Variants in PTPRS observed in about 807,000 individuals in gnomAD.
PTPRS encodes the protein protein tyrosine phosphatase receptor type S.
A neutral mutation model predicts 215.3 loss-of-function variants in PTPRS; 63 were observed. The ratio of observed to expected loss-of-function variants is 0.29; its 90% confidence interval spans 0.24 to 0.36. The LOEUF (loss-of-function observed/expected upper bound fraction) is 0.36. Among genes scored for constraint, PTPRS ranks in the 10% least tolerant of loss-of-function variants. The pLI, the probability that PTPRS is intolerant of heterozygous loss-of-function variation, is 1.00. For synonymous variants in PTPRS, 1,404 were observed against 1,191.4 expected, an observed-to-expected ratio of 1.18 and a Z score of -3.68; for missense variants, 2,258 against 2,825.8, an observed-to-expected ratio of 0.80 and a Z score of 4.56.
In PTPRS at chr19:5,229,360, C is replaced by T. The variant is rs767932961; in HGVS notation, c.2350-18G>A. The T allele has an allele frequency of 3.9e-5, 53 of 1,374,274 alleles. No homozygotes were observed. The highest frequency in any genetic ancestry group is 4.5e-5 in the Non-Finnish European group (48 of 1,058,680). 85.1% of individuals were successfully genotyped at this position (1,374,274 alleles called of 1,614,324 possible). Reference sequence around the variant, plus strand: ...GTCTCCCACTGAGCGCGGGAGGAGGCGGCAGGGGAGAGAGGAGGAAGGTGA... The same window carrying T: ...GTCTCCCACTGAGCGCGGGAGGAGGTGGCAGGGGAGAGAGGAGGAAGGTGA... On this transcript the variant is annotated intron_variant, in intron 15 of 37. Coordinates refer to ENST00000262963, the MANE Select transcript of PTPRS (RefSeq NM_002850.4).
chr19:5,340,725 T>A lies in PTPRS; in HGVS notation c.-156A>T, dbSNP rs2051084639. ...CCCGCTTCACATCGTGGCTGTTGCA[T>A]GGGATCCGAGCGGAGCCCGAGCGCC... On this transcript the variant is annotated 5_prime_UTR_variant, in exon 1 of 38. An upstream start codon of the reference 5' UTR is lost. Transcript: ENST00000262963. The A allele has an allele frequency of 6.7e-6, 1 of 150,244 alleles. No individual in the cohort carries two copies. Among genetic ancestry groups the A allele is most frequent in the Non-Finnish European group, 1.5e-5 (1 of 67,526 alleles). 9.3% of individuals were successfully genotyped at this position (150,244 alleles called of 1,614,324 possible). A position where few individuals can be genotyped will look rare whatever the true frequency, so the allele number is the denominator to read the frequency against.
At position 5,265,285 on chromosome 19, in the gene PTPRS, G is replaced by A. The variant is rs1223937787; in HGVS notation, c.380-89C>T. 1.2e-5 allele frequency: 15 copies of A among 1,268,784 alleles called. No individual in the cohort carries two copies. In the South Asian group the frequency reaches 1.3e-4, roughly 11 times the overall value. The allele number at this position is 1,268,784 out of a possible 1,614,324, so 78.6% of individuals were successfully genotyped here. A position where few individuals can be genotyped will look rare whatever the true frequency, so the allele number is the denominator to read the frequency against. On this transcript the variant is annotated intron_variant, in intron 4 of 37. Coordinates refer to ENST00000262963, the MANE Select transcript of PTPRS (RefSeq NM_002850.4). Reference sequence around the variant, plus strand: ...TGGGGCTCAGGGACTGCCTGGCCACGGGTCCAGCTCCTCCCTGGCTGCGTG... The same window carrying A: ...TGGGGCTCAGGGACTGCCTGGCCACAGGTCCAGCTCCTCCCTGGCTGCGTG...
At chr19:5,214,008 G>A (rs2041180390) in intron 30 of PTPRS, among the ~76,000 whole-genome samples, 1 of 152,198 alleles carries the variant, frequency 6.6e-6, no homozygotes, top group South Asian at 2.1e-4. Flanking sequence ...TTGAAGGCAG[G>A]GCTGGGGCCC....
chr19:5,277,889 A>G (rs1248685525), intron 2 of PTPRS: 7 of 1,130,404 alleles, frequency 6.2e-6, no homozygotes, highest in Non-Finnish European at 8.0e-6. Flanking sequence ...TTCAAGGGCC[A>G]GATCTTGATG....
intron 1 of PTPRS, among the ~76,000 whole-genome samples, chr19:5,331,128 T>A (rs10853983): frequency 0.18 from 18,087 of 98,902 alleles, 1,778 homozygotes; most frequent in East Asian, 0.25. Flanking sequence ...CTTCTTTTTT[T>A]AAAAAAAAAA....
chr19:5,225,241 TG>T (rs2042376428), intron 17 of PTPRS, among the ~76,000 whole-genome samples: 1 of 151,722 alleles, frequency 6.6e-6, no homozygotes, highest in Admixed American at 6.6e-5. Flanking sequence ...TGCACCACCC[TG>T]AAATAACAAC....
At position 5,238,934 on chromosome 19, in the gene PTPRS, G is replaced by A. The variant is rs745665862; in HGVS notation, c.1834C>T (p.Arg612Cys). The change falls in exon 13 of 38, where the codon CGC (arginine) becomes TGC (cysteine). Residue 612 changes from arginine (R) to cysteine (C), a missense_variant. Around this residue, in one of 6 missense-constraint regions of PTPRS, gnomAD observed 371 missense variants for 446.7 expected, o/e 0.83. Transcript: ENST00000262963. ...AGACACCTACTGGACTGCAGCGTGCGCTGCCGCACCACGGGGGTGAAGGCG... is the reference window on the plus strand; with the variant it reads ...AGACACCTACTGGACTGCAGCGTGCACTGCCGCACCACGGGGGTGAAGGCG... Reference protein sequence around the residue: ...LGAFTPVVRQRTLQSKPSAPP... With the variant: ...LGAFTPVVRQCTLQSKPSAPP... 13 of 1,607,604 alleles carry A rather than the reference G, an allele frequency of 8.1e-6. No homozygotes were observed. The highest frequency in any genetic ancestry group is 3.3e-5 in the South Asian group (3 of 90,676).
At chr19:5,247,339 C>T (rs1015897754) in intron 9 of PTPRS, among the ~76,000 whole-genome samples, 2 of 152,002 alleles carry the variant, frequency 1.3e-5, no homozygotes, top group African/African-American at 2.4e-5. Context: ...CAGCAGGATG[C>T]ATTTCGGGGG....
chr19:5,288,937 G>A (rs1362925078), intron 1 of PTPRS, among the ~76,000 whole-genome samples: 1 of 152,232 alleles, frequency 6.6e-6, no homozygotes, highest in Non-Finnish European at 1.5e-5. Context: ...GCACAGACAG[G>A]CAGGGCCTGG....
At chr19:5,284,416 T>A (rs1044484845) in intron 2 of PTPRS, among the ~76,000 whole-genome samples, 32 of 88,636 alleles carry the variant, frequency 3.6e-4, no homozygotes, top group South Asian at 6.1e-4. Flanking sequence ...AATAAATAAA[T>A]AAAAATTAGC....
rs2049039800 is a variant in PTPRS at position 5,293,949 on chromosome 19, G to A, written c.-94-7715C>T. ...GGGAGAGGAGGAGGGAGAGGGAGGG[G>A]CAGACCTGTCCGGGCGGCCAATCCG... On this transcript the variant is annotated intron_variant, in intron 1 of 37. Transcript: ENST00000262963. The surrounding 1 kb of genome is among the most constrained non-coding windows in gnomAD (Gnocchi z 8.4). Among the ~76,000 whole-genome samples the A allele has an allele frequency of 6.6e-6, 1 of 152,216 alleles. No individual in the cohort carries two copies. The highest frequency in any genetic ancestry group is 2.1e-4 in the South Asian group (1 of 4,836).
At position 5,219,345 on chromosome 19, in the gene PTPRS, T is replaced by A. The variant is rs539368855; in HGVS notation, c.3888A>T (p.Ile1296=). 1.3e-5 allele frequency: 21 copies of A among 1,614,060 alleles called. No homozygotes were observed. The South Asian group carries it at 1.8e-4, about 14-fold the overall frequency. Residue 1296 remains isoleucine, a synonymous_variant, in exon 23 of 38, where the codon ATA becomes ATT. Coordinates refer to ENST00000262963, the MANE Select transcript of PTPRS (RefSeq NM_002850.4). ...VIGPVLAVVF[I]ICIVIAILLY... ...GCAGGATAGCAATGACAATGCAGAT[T>A]ATGAAGACCACGGCCAGCACAGGCC...
At position 5,211,991 on chromosome 19, in the gene PTPRS, C is replaced by T. The variant is rs549449179; in HGVS notation, c.5029G>A (p.Val1677Ile). ...KLAQVEPGEH[V>I]TGMELEFKRL... The stretch of plus-strand genomic sequence containing the variant: ...TTGAACTCGAGTTCCATGCCAGTGA[C>T]GTGTTCGCCAGGCTCCACCTGGGCC... Residue 1677 changes from valine to isoleucine, a missense_variant, in exon 32 of 38, where the codon GTC becomes ATC. Transcript: ENST00000262963. The T allele has an allele frequency of 3.6e-5, 58 of 1,610,706 alleles. No homozygotes were observed. Among genetic ancestry groups the T allele is most frequent in the South Asian group, 7.7e-5 (7 of 90,842 alleles).
chr19:5,339,273 T>C lies in PTPRS; in HGVS notation c.-95+1391A>G, dbSNP rs904627813. The stretch of plus-strand genomic sequence containing the variant: ...AATGAGGCTCTGGGAGGTTTGTTAA[T>C]TTGGGGGAATGAGGTCCCAGGAGGT... On this transcript the variant is annotated intron_variant, in intron 1 of 37. Coordinates refer to ENST00000262963, the MANE Select transcript of PTPRS (RefSeq NM_002850.4). This position sits in a 1 kb window ranked among gnomAD's most constrained non-coding sequence, Gnocchi z 4.2. Among the ~76,000 whole-genome samples, 10 of 151,510 alleles carry C rather than the reference T, an allele frequency of 6.6e-5. No homozygotes were observed. The highest frequency in any genetic ancestry group is 2.2e-4 in the African/African-American group (9 of 41,206).
At position 5,219,357 on chromosome 19, in the gene PTPRS, G is replaced by T. The variant is rs368797063; in HGVS notation, c.3876C>A (p.Ala1292=). Residue 1292 remains alanine, a synonymous_variant, in exon 23 of 38, where the codon GCC becomes GCA. Transcript: ENST00000262963. ...TGACAATGCAGATTATGAAGACCAC[G>T]GCCAGCACAGGCCCGATCACCCAGA... ...GLIWVIGPVL[A]VVFIICIVIA... 7 of 1,613,838 alleles carry T rather than the reference G, an allele frequency of 4.3e-6. No homozygotes were observed. The African/African-American group carries it at 9.3e-5, about 22-fold the overall frequency.
chr19:5,221,544 C>G (rs1031318212), intron 19 of PTPRS, among the ~76,000 whole-genome samples: 1 of 151,344 alleles, frequency 6.6e-6, no homozygotes, highest in Non-Finnish European at 1.5e-5. Context: ...TTCCCAGTCC[C>G]GACTGAGCCC....
intron 5 of PTPRS, among the ~76,000 whole-genome samples, chr19:5,263,897 ACAGGCGGGAGG>A (rs2046212045): frequency 6.6e-6 from 1 of 152,192 alleles, no homozygotes; most frequent in East Asian, 1.9e-4. Flanking sequence ...ACCTGTGCCC[ACAGGCGGGAGG>A]CAGGCCAGGC....
chr19:5,297,754 G>A (rs1341340448), intron 1 of PTPRS, among the ~76,000 whole-genome samples: 11 of 151,644 alleles, frequency 7.3e-5, no homozygotes, highest in Non-Finnish European at 1.5e-4. Flanking sequence ...CGATGGCCCT[G>A]AGGCTAACCA....
At chr19:5,280,556 T>TA (rs1030238509) in intron 2 of PTPRS, among the ~76,000 whole-genome samples, 5 of 151,188 alleles carry the variant, frequency 3.3e-5, no homozygotes, top group South Asian at 2.1e-4. Flanking sequence ...CCGTCTCTAC[T>TA]AAAAAAATAC....
Sources: allele counts gnomAD v4.1 joint callset (sites outside exome capture counted in the v4.1 genomes callset), GRCh38; gene constraint gnomAD v4.1.1; regional missense constraint gnomAD v4.1.1; non-coding constraint Gnocchi (gnomAD v3.1); transcripts MANE v1.5; gene names NCBI Gene and HGNC (gene_info 2026-07-23, HGNC 2026-07-21).